DIAPH3: variants seen among roughly 807,000 people sequenced by gnomAD.
DIAPH3 encodes diaphanous related formin 3.
In DIAPH3, 117 loss-of-function variants were observed where a neutral mutation model predicts 144.3. That is an observed-to-expected ratio of 0.81 (90% confidence interval 0.70 to 0.95). DIAPH3 has a LOEUF of 0.95. Ranked by LOEUF, DIAPH3 falls within the 40% of genes least tolerant of loss-of-function variation. DIAPH3 has a pLI of 0.00. For missense variants in DIAPH3, 1,421 were observed against 1,412.7 expected (o/e 1.01, Z -0.09); for synonymous variants, 519 against 488.9 (o/e 1.06, Z -0.81).
At chr13:60,136,763 G>A (rs1250001831) in intron 1 of DIAPH3, among the ~76,000 whole-genome samples, 6 of 151,650 alleles carry the variant, frequency 4.0e-5, no homozygotes, top group African/African-American at 1.5e-4. Context: ...GTGAAACCCC[G>A]TCTCTACTAA....
intron 27 of DIAPH3, among the ~76,000 whole-genome samples, chr13:59,748,441 C>T (rs770186996): frequency 6.6e-6 from 1 of 152,234 alleles, no homozygotes; most frequent in Non-Finnish European, 1.5e-5. Flanking sequence ...ACATTTTAGA[C>T]TTCACCTGTG....
At chr13:59,789,339 C>G (rs984413401) in intron 25 of DIAPH3, among the ~76,000 whole-genome samples, 2 of 152,140 alleles carry the variant, frequency 1.3e-5, no homozygotes, top group Non-Finnish European at 2.9e-5. Context: ...TCACTTTATT[C>G]TGAGTGAAGT....
intron 25 of DIAPH3, among the ~76,000 whole-genome samples, chr13:59,777,540 A>T (rs976341611): frequency 3.9e-5 from 6 of 152,186 alleles, no homozygotes; most frequent in Non-Finnish European, 8.8e-5. Context: ...ATGTAGAGGA[A>T]CAGGATATAG....
chr13:59,746,953 C>A (rs2036735637), intron 27 of DIAPH3, among the ~76,000 whole-genome samples: 2 of 152,204 alleles, frequency 1.3e-5, no homozygotes, highest in South Asian at 4.1e-4. Flanking sequence ...CCATCACCCA[C>A]AAGTTATAAA....
At chr13:60,100,002 A>G (rs1482018385) in intron 3 of DIAPH3, among the ~76,000 whole-genome samples, 2 of 152,132 alleles carry the variant, frequency 1.3e-5, no homozygotes, top group African/African-American at 4.8e-5. Flanking sequence ...CCAAACTGAA[A>G]GAGCTGTTAA....
In DIAPH3 at chr13:59,841,150, A is replaced by G. The variant is rs185958899; in HGVS notation, c.2738-1702T>C. Reference sequence around the variant, plus strand: ...TTTCAAAGTTCTCTATCTGCATTACATAAGAGATTCCTTTTGCTCTCCTAG... The same window carrying G: ...TTTCAAAGTTCTCTATCTGCATTACGTAAGAGATTCCTTTTGCTCTCCTAG... On this transcript the variant is annotated intron_variant, in intron 22 of 27. Coordinates refer to ENST00000400324, the MANE Select transcript of DIAPH3 (RefSeq NM_001042517.2). Among the ~76,000 whole-genome samples the G allele has an allele frequency of 1.1e-4, 17 of 152,194 alleles. No individual in the cohort carries two copies. In the East Asian group the frequency reaches 2.5e-3, roughly 22 times the overall value.
intron 5 of DIAPH3, among the ~76,000 whole-genome samples, chr13:60,021,894 T>C (rs189735653): frequency 9.8e-5 from 15 of 152,288 alleles, no homozygotes; most frequent in African/African-American, 3.1e-4. Context: ...AGTCTCTTAT[T>C]CATAAACACT....
At chr13:59,962,078 T>C (rs2049796052) in intron 17 of DIAPH3, among the ~76,000 whole-genome samples, 1 of 152,100 alleles carries the variant, frequency 6.6e-6, no homozygotes, top group South Asian at 2.1e-4. Flanking sequence ...TATTGGTTCT[T>C]TGAATTAAAA....
chr13:59,732,687 C>T (rs2138990827), intron 27 of DIAPH3, among the ~76,000 whole-genome samples: 1 of 152,100 alleles, frequency 6.6e-6, no homozygotes, highest in Middle Eastern at 3.4e-3. Context: ...AAGCAATCTG[C>T]CCACCTAAGC....
Position 59,902,324 on chromosome 13 carries a change from A to AC in DIAPH3, c.2367+9410dup, listed in dbSNP as rs548818529. 2.9e-4 allele frequency among the ~76,000 whole-genome samples: 44 copies of AC among 150,916 alleles called. No homozygotes were observed. The East Asian group carries it at 7.5e-3, about 26-fold the overall frequency. ...ATCTGGCTGTTTAAAAGTGTGTTGC[A>AC]CCCCCCTCCCACCTTACTCCTTCTC... On this transcript the variant is annotated intron_variant, in intron 20 of 27. Transcript: ENST00000400324.
At chr13:60,163,516 G>A (rs1265110646) in intron 1 of DIAPH3, 71 bp downstream of exon 1, 1 of 1,572,524 alleles carries the variant, frequency 6.4e-7, no homozygotes, top group Non-Finnish European at 8.6e-7. Context: ...AAGTTCTTGT[G>A]GGCCCACCCT....
intron 25 of DIAPH3, among the ~76,000 whole-genome samples, chr13:59,794,962 T>C (rs1021701028): frequency 6.6e-5 from 10 of 152,252 alleles, no homozygotes; most frequent in African/African-American, 1.9e-4. Context: ...AATGCCTCAG[T>C]CTGCAAGACA....
intron 15 of DIAPH3, 59 bp from the exon 16 acceptor site, chr13:59,971,219 T>C (rs1011895054): frequency 6.8e-7 from 1 of 1,481,210 alleles, no homozygotes; most frequent in Non-Finnish European, 9.1e-7. Flanking sequence ...CATGTAAATA[T>C]GCACTTTACT....
At chr13:59,899,132 A>G (rs1052750137) in intron 20 of DIAPH3, among the ~76,000 whole-genome samples, 1 of 152,134 alleles carries the variant, frequency 6.6e-6, no homozygotes, top group African/African-American at 2.4e-5. Context: ...TCGGTCACAG[A>G]CTAAAGGCTG....
chr13:59,810,397 T>C (rs374580189), intron 25 of DIAPH3, among the ~76,000 whole-genome samples: 2 of 152,054 alleles, frequency 1.3e-5, no homozygotes, highest in Admixed American at 6.6e-5. Context: ...TCACTTTTTT[T>C]CCCTCCCTTG....
chr13:59,966,210 G>A (rs1048500098), intron 17 of DIAPH3, among the ~76,000 whole-genome samples: 1 of 151,998 alleles, frequency 6.6e-6, no homozygotes, highest in Admixed American at 6.6e-5. Context: ...CCACAGAAGC[G>A]TTGTTGTAAA....
chr13:59,887,527 T>C (rs1483032464), intron 20 of DIAPH3, among the ~76,000 whole-genome samples: 1 of 152,086 alleles, frequency 6.6e-6, no homozygotes, highest in Non-Finnish European at 1.5e-5. Context: ...AGATGTTCTA[T>C]TATTGTTGTT....
intron 17 of DIAPH3, among the ~76,000 whole-genome samples, chr13:59,945,097 T>C (rs1032702324): frequency 3.3e-5 from 5 of 152,176 alleles, no homozygotes; most frequent in Admixed American, 3.3e-4. Flanking sequence ...ATACTCATGC[T>C]TCAAAACAAC....
chr13:59,739,646 A>G (rs2036345233), intron 27 of DIAPH3, among the ~76,000 whole-genome samples: 1 of 152,154 alleles, frequency 6.6e-6, no homozygotes, highest in Non-Finnish European at 1.5e-5. Flanking sequence ...AATAGAGAAA[A>G]CTGAGACATA....
Sources: gnomAD v4.1 joint callset for allele counts (sites outside exome capture counted in the v4.1 genomes callset) on GRCh38, gnomAD v4.1.1 for gene constraint, MANE v1.5 for transcripts, NCBI Gene and HGNC (gene_info 2026-07-23, HGNC 2026-07-21) for gene names.